DTNA: variants seen among roughly 807,000 people sequenced by gnomAD.
DTNA encodes dystrobrevin alpha.
A neutral mutation model predicts 100.7 loss-of-function variants in DTNA; 43 were observed. That is an observed-to-expected ratio of 0.43 (90% CI 0.33 to 0.55). The LOEUF (loss-of-function observed/expected upper bound fraction) is 0.55. Ranked by LOEUF, DTNA falls within the 20% of genes least tolerant of loss-of-function variation. The probability of loss-of-function intolerance (pLI) is 0.04; values close to 1 mark genes in which losing one functional copy is unlikely to be tolerated. For missense variants in DTNA, 798 were observed against 953.9 expected, an observed-to-expected ratio of 0.84 and a Z score of 2.15; for synonymous variants, 349 against 347.9, an observed-to-expected ratio of 1.00 and a Z score of -0.04.
At position 34,848,315 on chromosome 18, in the gene DTNA, C is replaced by T. The variant is rs759435722; in HGVS notation, c.1366C>T (p.Arg456Trp). The T allele has an allele frequency of 1.2e-5, 20 of 1,613,844 alleles. No homozygotes were observed. The highest frequency in any genetic ancestry group is 5.0e-5 in the Admixed American group (3 of 59,972). The change falls in exon 14 of 23, where the codon CGG (arginine) becomes TGG (tryptophan). Residue 456 changes from arginine (R) to tryptophan (W), a missense_variant. Transcript: ENST00000444659. ...NPSCMLESSN[R>W]LDEEHRLIAR... Reference sequence around the variant, plus strand: ...TAATAGCATGCTTGAGAGTTCAAACCGGCTTGATGAAGAACACAGGCTAAT... The same window carrying T: ...TAATAGCATGCTTGAGAGTTCAAACTGGCTTGATGAAGAACACAGGCTAAT...
chr18:34,866,966 G>A (rs906005821), intron 17 of DTNA: 1 of 1,159,872 alleles, frequency 8.6e-7, no homozygotes, highest in Non-Finnish European at 1.0e-6. Flanking sequence ...AGCCAGCAGG[G>A]GGAGCAGCAA....
At chr18:34,742,142 G>A (rs1438805099) in intron 1 of DTNA, among the ~76,000 whole-genome samples, 1 of 152,168 alleles carries the variant, frequency 6.6e-6, no homozygotes, top group African/African-American at 2.4e-5. Flanking sequence ...GACTTCTTAA[G>A]TACAAATCCT....
chr18:34,868,080 A>C (rs1228158810), intron 17 of DTNA: 1 of 890,492 alleles, frequency 1.1e-6, no homozygotes, highest in Non-Finnish European at 1.3e-6. Flanking sequence ...AAAATCAAAA[A>C]CTAAAGAAAA....
In DTNA at chr18:34,610,662, C is replaced by T. The variant is rs73946108; in HGVS notation, c.-2+117148C>T. Reference sequence around the variant, plus strand: ...TTAAGAAAACTGTGATAAATCCACTCAGTAAAATAATATGTGGCCTTTTAT... The same window carrying T: ...TTAAGAAAACTGTGATAAATCCACTTAGTAAAATAATATGTGGCCTTTTAT... On this transcript the variant is annotated intron_variant, in intron 1 of 19. Coordinates refer to the DTNA transcript ENST00000283365. 9.2e-3 allele frequency among the ~76,000 whole-genome samples: 1,401 copies of T among 152,302 alleles called. 22 individuals carry two copies. Among genetic ancestry groups the T allele is most frequent in the African/African-American group, 0.032 (1,322 of 41,568 alleles).
intron 1 of DTNA, among the ~76,000 whole-genome samples, chr18:34,576,582 C>A (rs1469000384): frequency 6.6e-6 from 1 of 152,158 alleles, no homozygotes; most frequent in Non-Finnish European, 1.5e-5. Context: ...GCTTAGCCTT[C>A]CAATTAGCTG....
chr18:34,890,100 C>A lies in DTNA; in HGVS notation c.*2366C>A. On this transcript the variant is annotated 3_prime_UTR_variant, in exon 23 of 23. Transcript: ENST00000444659. ...TGGACCGAGCTGGCATATGTTGTTT[C>A]TTTGTGTTTCTACATCAAAATGTTC... The A allele has an allele frequency of 7.1e-7, 1 of 1,402,590 alleles. No homozygotes were observed. The highest frequency in any genetic ancestry group is 1.7e-5 in the South Asian group (1 of 58,060). The allele number at this position is 1,402,590 out of a possible 1,614,324, so 86.9% of individuals were successfully genotyped here.
intron 1 of DTNA, among the ~76,000 whole-genome samples, chr18:34,568,962 G>A (rs1164536342): frequency 6.6e-6 from 1 of 152,190 alleles, no homozygotes; most frequent in East Asian, 1.9e-4. Flanking sequence ...ATATATTCAT[G>A]ACTGTCAATC....
At chr18:34,875,107 A>G in intron 17 of DTNA, 132 bp from the exon 18 acceptor site, 1 of 1,342,582 alleles carries the variant, frequency 7.4e-7, no homozygotes. Context: ...AGGATTACCA[A>G]CACAATTACC....
intron 1 of DTNA, among the ~76,000 whole-genome samples, chr18:34,669,998 C>T (rs1384798478): frequency 6.6e-6 from 1 of 152,192 alleles, no homozygotes; most frequent in Non-Finnish European, 1.5e-5. Context: ...GGGAAGTTCT[C>T]CTGGATAATA....
At chr18:34,578,914 A>G (rs1200290850) in intron 1 of DTNA, among the ~76,000 whole-genome samples, 1 of 152,006 alleles carries the variant, frequency 6.6e-6, no homozygotes, top group Non-Finnish European at 1.5e-5. Flanking sequence ...ATTTAAGTCT[A>G]CCATCTTAGT....
chr18:34,522,042 T>C (rs2042197624), intron 1 of DTNA, among the ~76,000 whole-genome samples: 1 of 152,224 alleles, frequency 6.6e-6, no homozygotes, highest in South Asian at 2.1e-4. Flanking sequence ...GTTGTCACTC[T>C]CCTGGGTTCT....
chr18:34,758,531 A>G (rs764061387), intron 2 of DTNA, among the ~76,000 whole-genome samples: 1 of 152,210 alleles, frequency 6.6e-6, no homozygotes, highest in Non-Finnish European at 1.5e-5. Context: ...AGATTGGTCA[A>G]TGTGATTAGG....
intron 1 of DTNA, among the ~76,000 whole-genome samples, chr18:34,511,534 A>C (rs1005958226): frequency 1.1e-4 from 16 of 152,086 alleles, no homozygotes; most frequent in Admixed American, 9.8e-4. Context: ...TAAGCAATCA[A>C]ATGGGGCCAG....
At chr18:34,686,666 G>A (rs2078945485) in intron 1 of DTNA, among the ~76,000 whole-genome samples, 1 of 152,138 alleles carries the variant, frequency 6.6e-6, no homozygotes. Context: ...ATGAGTTAGG[G>A]TGGAGTCCCT....
chr18:34,776,450 T>C (rs909971610), intron 3 of DTNA, among the ~76,000 whole-genome samples: 1 of 152,144 alleles, frequency 6.6e-6, no homozygotes, highest in Non-Finnish European at 1.5e-5. Context: ...ATCAGCTTGA[T>C]TCACCTGCAT....
rs1395446186 is a variant in DTNA, at chr18:34,769,787, T to C, written c.148+3746T>C. Among the ~76,000 whole-genome samples the C allele has an allele frequency of 2.1e-5, 3 of 144,906 alleles. No homozygotes were observed. In the Admixed American group the frequency reaches 2.1e-4, roughly 10 times the overall value. ...CCCAGGCTGGAGTGCAATGGTGCAA[T>C]CTCGGCTCACTGCAACCTCCGCCTC... On this transcript the variant is annotated intron_variant, in intron 3 of 22. Transcript: ENST00000444659.
At chr18:34,702,369 A>G (rs1312261880) in intron 1 of DTNA, among the ~76,000 whole-genome samples, 1 of 152,208 alleles carries the variant, frequency 6.6e-6, no homozygotes, top group Non-Finnish European at 1.5e-5. Context: ...AAATCTTCAC[A>G]ATAACAGAGA....
intron 1 of DTNA, among the ~76,000 whole-genome samples, chr18:34,749,575 C>A (rs1052539328): frequency 6.6e-6 from 1 of 151,366 alleles, no homozygotes; most frequent in Non-Finnish European, 1.5e-5. Flanking sequence ...TAAGGGAAAC[C>A]AAATCCCGGA....
At chr18:34,521,651 G>T (rs1460013701) in intron 1 of DTNA, among the ~76,000 whole-genome samples, 2 of 151,970 alleles carry the variant, frequency 1.3e-5, no homozygotes, top group Non-Finnish European at 2.9e-5. Flanking sequence ...CCAAGCTTTT[G>T]CCCAGCTCAG....
Sources: gnomAD v4.1 joint callset for allele counts (sites outside exome capture counted in the v4.1 genomes callset) on GRCh38, gnomAD v4.1.1 for gene constraint, MANE v1.5 for transcripts, NCBI Gene and HGNC (gene_info 2026-07-23, HGNC 2026-07-21) for gene names.